EHMT1: variants seen among roughly 807,000 people sequenced by gnomAD.
EHMT1 encodes the protein histone-lysine N-methyltransferase EHMT1.
In EHMT1, 15 loss-of-function variants were observed where a neutral mutation model predicts 147.2. The observed-to-expected ratio is 0.10, with a 90% CI of 0.07 to 0.16. The LOEUF (loss-of-function observed/expected upper bound fraction) is 0.16, where lower values mean the gene tolerates loss of function less well. Among genes scored for constraint, EHMT1 ranks in the 10% least tolerant of loss-of-function variants. The pLI, the probability that EHMT1 is intolerant of heterozygous loss-of-function variation, is 1.00. For synonymous variants in EHMT1, 795 were observed against 709.6 expected (o/e 1.12, Z -1.91); for missense variants, 1,587 against 1,772.4 (o/e 0.90, Z 1.88).
rs1948271571 is a variant in EHMT1, at chr9:137,743,355, T to TC, written c.824-16_824-15insC. On this transcript the variant is annotated splice_polypyrimidine_tract_variant and intron_variant, in intron 4 of 26. Coordinates refer to ENST00000460843, the MANE Select transcript of EHMT1 (RefSeq NM_024757.5). ...TTCCTTTCTTGTCCCCTTTTGACTT[T>TC]TTTTTTTTTTTTTAGCTTGCTTGCC... The TC allele has an allele frequency of 1.7e-6, 2 of 1,186,708 alleles. No homozygotes were observed. Among genetic ancestry groups the TC allele is most frequent in the African/African-American group, 3.1e-5 (2 of 64,630 alleles). The allele number at this position is 1,186,708 out of a possible 1,614,324, so 73.5% of individuals were successfully genotyped here.
At chr9:137,741,371 C>A (rs1335750688) in intron 4 of EHMT1, among the ~76,000 whole-genome samples, 1 of 149,776 alleles carries the variant, frequency 6.7e-6, no homozygotes, top group African/African-American at 2.4e-5. Flanking sequence ...TTCCAGGGGA[C>A]AGGTAGCAAA....
chr9:137,645,549 A>G (rs908836402), intron 1 of EHMT1, among the ~76,000 whole-genome samples: 5 of 152,202 alleles, frequency 3.3e-5, no homozygotes, highest in African/African-American at 9.7e-5. Context: ...GGTAATTGCT[A>G]TTAAAAGAGA....
At chr9:137,819,867 C>T (rs575679045) in intron 25 of EHMT1, among the ~76,000 whole-genome samples, 1 of 152,022 alleles carries the variant, frequency 6.6e-6, no homozygotes, top group Admixed American at 6.6e-5. Flanking sequence ...GTTTTGGGAG[C>T]TTTCTGAGGC....
chr9:137,675,104 G>T (rs1430158475), intron 1 of EHMT1: 2 of 152,250 alleles, frequency 1.3e-5, no homozygotes, highest in Non-Finnish European at 2.9e-5. Flanking sequence ...TGGCCCGGGG[G>T]CCGCACGCCT....
At position 137,834,874 on chromosome 9, in the gene EHMT1, G is replaced by A. The variant is rs1564847357; in HGVS notation, c.3818G>A (p.Arg1273His). Reference protein sequence around the residue: ...CRHSSAALAQRQASAAQEAQE... With the variant: ...CRHSSAALAQHQASAAQEAQE... ...CACTCGAGCGCGGCCCTGGCCCAGC[G>A]TCAGGCCAGCGCGGCCCAGGAGGCC... The change falls in exon 27 of 27, where the codon CGT becomes CAT. Residue 1273 changes from arginine (R) to histidine (H), a missense_variant. Around this residue, in one of 7 missense-constraint regions of EHMT1, gnomAD observed 141 missense variants for 150.8 expected, o/e 0.94. Transcript: ENST00000460843. 3.1e-6 allele frequency: 5 copies of A among 1,610,402 alleles called. No individual in the cohort carries two copies. The South Asian group carries it at 5.5e-5, about 18-fold the overall frequency.
chr9:137,834,269 G>T lies in EHMT1; in HGVS notation c.3541-80G>T, dbSNP rs1179766546. On this transcript the variant is annotated intron_variant, in intron 25 of 26. Coordinates refer to ENST00000460843, the MANE Select transcript of EHMT1 (RefSeq NM_024757.5). ...GCGCCCAACTGCAGGCTCCGGGACT[G>T]CCATGCATGGCCGTACCCGGCGAGG... 5 of 1,574,990 alleles carry T rather than the reference G, an allele frequency of 3.2e-6. No individual in the cohort carries two copies. The East Asian group carries it at 9.2e-5, about 29-fold the overall frequency.
chr9:137,674,728 G>T (rs913140446), intron 1 of EHMT1, among the ~76,000 whole-genome samples: 12 of 152,208 alleles, frequency 7.9e-5, no homozygotes, highest in Admixed American at 4.6e-4. Context: ...GGCTCCTTTT[G>T]TAAGTGGGAG....
chr9:137,768,662 G>A lies in EHMT1; in HGVS notation c.1647+5842G>A, dbSNP rs1344373278. On this transcript the variant is annotated intron_variant, in intron 10 of 26. Coordinates refer to ENST00000460843, the MANE Select transcript of EHMT1 (RefSeq NM_024757.5). ...CCTCCCGGGTTCACGCCATTCTCCC[G>A]CCTCAGCCTCCCAAGTAGCTGGGAC... is the stretch of plus-strand genomic sequence containing the variant. Among the ~76,000 whole-genome samples the A allele has an allele frequency of 4.2e-3, 556 of 133,040 alleles. 3 individuals carry two copies. The highest frequency in any genetic ancestry group is 5.3e-3 in the Middle Eastern group (1 of 188). The allele number at this position is 133,040 out of a possible 152,430, so 87.3% of individuals were successfully genotyped here. A position where few individuals can be genotyped will look rare whatever the true frequency, so the allele number is the denominator to read the frequency against.
At chr9:137,811,140 A>T (rs1422861056) in intron 18 of EHMT1, among the ~76,000 whole-genome samples, 1 of 152,184 alleles carries the variant, frequency 6.6e-6, no homozygotes, top group Non-Finnish European at 1.5e-5. Context: ...CCAAGTGTTA[A>T]TATGTTGAGT....
intron 6 of EHMT1, among the ~76,000 whole-genome samples, chr9:137,749,164 A>G (rs1948781486): frequency 6.6e-6 from 1 of 151,984 alleles, no homozygotes; most frequent in Non-Finnish European, 1.5e-5. Flanking sequence ...ACCCACCCCC[A>G]GGACAGATGT....
chr9:137,677,511 T>C (rs943330121), intron 1 of EHMT1, among the ~76,000 whole-genome samples: 18 of 151,966 alleles, frequency 1.2e-4, no homozygotes, highest in Admixed American at 1.2e-3. Flanking sequence ...CCGCAAGCTC[T>C]GCCTCCCGGG....
At chr9:137,711,991 C>T (rs1046733132) in intron 2 of EHMT1, among the ~76,000 whole-genome samples, 7 of 152,178 alleles carry the variant, frequency 4.6e-5, no homozygotes, top group African/African-American at 7.2e-5. Flanking sequence ...TGTGGGTTCT[C>T]GTCCACCCAC....
In EHMT1 at chr9:137,827,425, A is replaced by G. The variant is rs1164076273; in HGVS notation, c.3541-6924A>G. Among the ~76,000 whole-genome samples, 4 of 152,276 alleles carry G rather than the reference A, an allele frequency of 2.6e-5. No individual in the cohort carries two copies. The East Asian group carries it at 5.8e-4, about 22-fold the overall frequency. Reference sequence around the variant, plus strand: ...CACCAAAGCCTCCTAGGTGTCTGCTACAGCTCTGACCCACGCCCGGACCCC... The same window carrying G: ...CACCAAAGCCTCCTAGGTGTCTGCTGCAGCTCTGACCCACGCCCGGACCCC... On this transcript the variant is annotated intron_variant, in intron 25 of 26. Coordinates refer to ENST00000460843, the MANE Select transcript of EHMT1 (RefSeq NM_024757.5).
intron 6 of EHMT1, among the ~76,000 whole-genome samples, chr9:137,751,811 G>A (rs1948991453): frequency 6.6e-6 from 1 of 152,202 alleles, no homozygotes; most frequent in Admixed American, 6.5e-5. Flanking sequence ...CTGCCTGGAT[G>A]TTCACTGGAA....
At chr9:137,715,908 T>G (rs1385300263) in intron 2 of EHMT1, 1 of 890,436 alleles carries the variant, frequency 1.1e-6, no homozygotes, top group Admixed American at 6.2e-5. Context: ...ACGTTAATGC[T>G]TAAGAAATGT....
intron 2 of EHMT1, among the ~76,000 whole-genome samples, chr9:137,712,609 G>A (rs948377261): frequency 6.6e-6 from 1 of 152,166 alleles, no homozygotes; most frequent in African/African-American, 2.4e-5. Flanking sequence ...CTCTTCTCCT[G>A]TGATTTCAAA....
intron 1 of EHMT1, among the ~76,000 whole-genome samples, chr9:137,678,059 A>T (rs1941553435): frequency 6.6e-6 from 1 of 152,092 alleles, no homozygotes; most frequent in Admixed American, 6.5e-5. Context: ...ACAGAGCGAG[A>T]CTCCGTCTCA....
intron 10 of EHMT1, among the ~76,000 whole-genome samples, chr9:137,770,495 C>T (rs1040856805): frequency 6.6e-6 from 1 of 152,210 alleles, no homozygotes; most frequent in African/African-American, 2.4e-5. Context: ...CAAGACTTTT[C>T]AACCTCAATA....
chr9:137,799,555 T>G (rs1310504001), intron 17 of EHMT1, among the ~76,000 whole-genome samples: 1 of 152,202 alleles, frequency 6.6e-6, no homozygotes, highest in Non-Finnish European at 1.5e-5. Flanking sequence ...CAGCTCAGCA[T>G]GCACTGGGAG....
Sources: gnomAD v4.1 joint callset for allele counts (sites outside exome capture counted in the v4.1 genomes callset) on GRCh38, gnomAD v4.1.1 for gene constraint, gnomAD v4.1.1 regional missense constraint, MANE v1.5 for transcripts, NCBI Gene and HGNC (gene_info 2026-07-23, HGNC 2026-07-21) for gene names.